Variants in ANO1 observed in about 807,000 individuals in gnomAD.
ANO1 encodes anoctamin 1.
A neutral mutation model predicts 124.0 loss-of-function variants in ANO1; 59 were observed. That is an observed-to-expected ratio of 0.48 (90% CI 0.39 to 0.59). The LOEUF is 0.59. Among genes scored for constraint, ANO1 ranks in the 20% least tolerant of loss-of-function variants. The pLI, the probability that ANO1 is intolerant of heterozygous loss-of-function variation, is 0.00. For synonymous variants in ANO1, 529 were observed against 532.0 expected (o/e 0.99, Z 0.08); for missense variants, 1,059 against 1,328.0 (o/e 0.80, Z 3.15).
At chr11:69,992,823 A>C (rs11824247) in intron 1 of ANO1, among the ~76,000 whole-genome samples, 1 of 152,126 alleles carries the variant, frequency 6.6e-6, no homozygotes, top group African/African-American at 2.4e-5. Context: ...AGCCTTCAGC[A>C]CTGGGCACAC....
the ANO1 span, among the ~76,000 whole-genome samples, chr11:69,975,242 C>T: frequency 0.023 from 3,530 of 152,324 alleles, 212 homozygotes; most frequent in East Asian, 0.22. Context: ...GGAGCAGTGG[C>T]CTCCCTACCC....
intron 21 of ANO1, among the ~76,000 whole-genome samples, chr11:70,168,413 C>T (rs1243744540): frequency 2.6e-5 from 4 of 152,002 alleles, no homozygotes; most frequent in East Asian, 1.9e-4. Context: ...GACACGGCCA[C>T]GACCCCCACC....
At chr11:70,158,438 C>T (rs1029225684) in intron 16 of ANO1, among the ~76,000 whole-genome samples, 1 of 152,242 alleles carries the variant, frequency 6.6e-6, no homozygotes, top group Admixed American at 6.5e-5. Context: ...CAGAGCGTCT[C>T]ATCACTGGCC....
At position 70,066,845 on chromosome 11, in the gene ANO1, C is replaced by T. The variant is rs1857736683; in HGVS notation, c.59-11697C>T. Reference sequence around the variant, plus strand: ...GTCAGCCCCAGGAGGGACACTCTGCCCCGGCCTGGTTGCTGCCAGCCAGGC... The same window carrying T: ...GTCAGCCCCAGGAGGGACACTCTGCTCCGGCCTGGTTGCTGCCAGCCAGGC... On this transcript the variant is annotated intron_variant, in intron 1 of 27. Coordinates refer to the ANO1 transcript ENST00000531349. Among the ~76,000 whole-genome samples, 3 of 152,118 alleles carry T rather than the reference C, an allele frequency of 2.0e-5. No individual in the cohort carries two copies. In the South Asian group the frequency reaches 6.2e-4, roughly 32 times the overall value.
chr11:70,030,488 C>A (rs1472955816), intron 1 of ANO1, among the ~76,000 whole-genome samples: 2 of 152,166 alleles, frequency 1.3e-5, no homozygotes, highest in African/African-American at 4.8e-5. Flanking sequence ...CACAGTGAAT[C>A]TTAGGGGGTA....
chr11:70,127,248 G>A (rs115876638), intron 10 of ANO1, among the ~76,000 whole-genome samples: 2,241 of 152,220 alleles, frequency 0.015, 66 homozygotes, highest in African/African-American at 0.05. Context: ...AATGCTAGTG[G>A]CCTCAGTGCA....
At chr11:69,969,111 A>T in the ANO1 span, among the ~76,000 whole-genome samples, 22 of 152,036 alleles carry the variant, frequency 1.4e-4, no homozygotes, top group African/African-American at 4.6e-4. Context: ...TGGAAGTGGG[A>T]TCCCCTTCAG....
chr11:70,086,897 G>C (rs1024587453), intron 1 of ANO1, among the ~76,000 whole-genome samples: 4 of 152,230 alleles, frequency 2.6e-5, no homozygotes, highest in African/African-American at 9.6e-5. Flanking sequence ...TTGGGGGAGA[G>C]CCCTGACTAA....
At chr11:70,176,955 G>A (rs1208967316) in intron 22 of ANO1, among the ~76,000 whole-genome samples, 1 of 152,146 alleles carries the variant, frequency 6.6e-6, no homozygotes, top group Non-Finnish European at 1.5e-5. Flanking sequence ...CACACCCCGC[G>A]GATGTGCAGG....
At position 70,180,019 on chromosome 11, in the gene ANO1, T is replaced by C. The variant is rs1481850080; in HGVS notation, c.2366T>C (p.Ile789Thr). 1 of 1,613,020 alleles carries C rather than the reference T, an allele frequency of 6.2e-7. No individual in the cohort carries two copies. The highest frequency in any genetic ancestry group is 8.5e-7 in the Non-Finnish European group (1 of 1,179,146). The change falls in exon 23 of 26, where the codon ATC (isoleucine) becomes ACC (threonine). Residue 789 changes from isoleucine to threonine, a missense_variant. Ile to Thr is a moderately conservative substitution (Grantham distance 89, BLOSUM62 -1). This residue lies in a region of ANO1 where 809 missense variants were observed against 1,094.9 expected (regional missense o/e 0.74). Coordinates refer to ENST00000355303, the MANE Select transcript of ANO1 (RefSeq NM_018043.7). ...CTTCCCCCAGGAATCTGGTACAATA[T>C]CCTCAGAGGCATTGGGAAGCTTGCT... is the stretch of plus-strand genomic sequence containing the variant. The part of the protein sequence containing the change: ...RAKDIGIWYN[I>T]LRGIGKLAVI...
chr11:70,012,461 T>C (rs1591033411), intron 1 of ANO1, among the ~76,000 whole-genome samples: 1 of 151,896 alleles, frequency 6.6e-6, no homozygotes, highest in East Asian at 1.9e-4. Context: ...TATCTATTTG[T>C]CCACAAATTC....
At chr11:69,967,739 C>A in the ANO1 span, among the ~76,000 whole-genome samples, 1 of 152,198 alleles carries the variant, frequency 6.6e-6, no homozygotes, top group Non-Finnish European at 1.5e-5. Context: ...ACAACTGGTC[C>A]GGTGAGGGCT....
At chr11:70,067,618 G>A (rs575101799) in intron 1 of ANO1, among the ~76,000 whole-genome samples, 3 of 152,278 alleles carry the variant, frequency 2.0e-5, no homozygotes, top group Non-Finnish European at 2.9e-5. Flanking sequence ...ATGAGCCGCC[G>A]CACCCGGCCT....
chr11:70,130,411 G>A (rs1209879681), intron 10 of ANO1, among the ~76,000 whole-genome samples: 1 of 152,156 alleles, frequency 6.6e-6, no homozygotes, highest in African/African-American at 2.4e-5. Flanking sequence ...GGCAGTGCTT[G>A]GGCTTTGAAG....
chr11:70,117,189 G>A (rs1442228936), intron 8 of ANO1, among the ~76,000 whole-genome samples: 1 of 134,834 alleles, frequency 7.4e-6, no homozygotes, highest in Non-Finnish European at 1.5e-5. Flanking sequence ...TCCTGACTCA[G>A]CCTCCAGAGT....
upstream of ANO1, among the ~76,000 whole-genome samples, chr11:69,983,061 G>A (rs763694606): frequency 5.3e-5 from 8 of 152,038 alleles, no homozygotes; most frequent in Admixed American, 3.9e-4. Flanking sequence ...CCTGTGGGCC[G>A]AGTCAGCTCT....
rs1279876603 is a variant in ANO1, at chr11:70,188,018, GC to G, written c.*15del. 1 of 1,550,436 alleles carries G rather than the reference GC, an allele frequency of 6.4e-7. No individual in the cohort carries two copies. Among genetic ancestry groups the G allele is most frequent in the Admixed American group, 1.9e-5 (1 of 51,412 alleles). ...GGCGTCCTGTAGCTATGCCAGCGGG[GC>G]TGGGCAGGCCAGCCGGGCATCCTGA... is the stretch of plus-strand genomic sequence containing the variant. On this transcript the variant is annotated 3_prime_UTR_variant, in exon 26 of 26. Coordinates refer to ENST00000355303, the MANE Select transcript of ANO1 (RefSeq NM_018043.7).
chr11:70,058,635 A>C (rs1228106399), intron 1 of ANO1, among the ~76,000 whole-genome samples: 1 of 152,220 alleles, frequency 6.6e-6, no homozygotes, highest in Non-Finnish European at 1.5e-5. Context: ...CAAGCAAGAA[A>C]GCACATCCAT....
At chr11:70,173,401 A>G (rs986980620) in intron 22 of ANO1, among the ~76,000 whole-genome samples, 1 of 152,136 alleles carries the variant, frequency 6.6e-6, no homozygotes, top group Non-Finnish European at 1.5e-5. Flanking sequence ...CAGACACTCT[A>G]TACTAAACTG....
Sources: allele counts gnomAD v4.1 joint callset (sites outside exome capture counted in the v4.1 genomes callset), GRCh38; gene constraint gnomAD v4.1.1; regional missense constraint gnomAD v4.1.1; transcripts MANE v1.5; gene names NCBI Gene and HGNC (gene_info 2026-07-23, HGNC 2026-07-21).